TMEM132C: variants seen among roughly 807,000 people sequenced by gnomAD.
The protein encoded by TMEM132C is protein phosphatase 1, regulatory subunit 152.
Under a neutral mutation model 61.4 loss-of-function variants are expected in TMEM132C, and 29 were observed. The ratio of observed to expected loss-of-function variants is 0.47; its 90% CI spans 0.35 to 0.64. The LOEUF (loss-of-function observed/expected upper bound fraction) is 0.64. Ranked by LOEUF, TMEM132C falls within the 30% of genes least tolerant of loss-of-function variation. The pLI is 0.00. For missense variants in TMEM132C, 1,408 were observed against 1,476.9 expected (o/e 0.95, Z 0.76); for synonymous variants, 656 against 633.1 (o/e 1.04, Z -0.54).
At chr12:128,526,758 C>T (rs943860156) in intron 2 of TMEM132C, among the ~76,000 whole-genome samples, 15 of 152,188 alleles carry the variant, frequency 9.9e-5, no homozygotes, top group South Asian at 6.2e-4. Flanking sequence ...AGACACCAGC[C>T]GTGCAGATAC....
intron 2 of TMEM132C, among the ~76,000 whole-genome samples, chr12:128,523,163 A>G (rs1872964962): frequency 6.6e-6 from 1 of 152,222 alleles, no homozygotes; most frequent in Non-Finnish European, 1.5e-5. Context: ...TCAGTCACAC[A>G]AGAACAAATA....
At chr12:128,293,522 A>T (rs958726612) in intron 1 of TMEM132C, among the ~76,000 whole-genome samples, 20 of 152,186 alleles carry the variant, frequency 1.3e-4, no homozygotes, top group Non-Finnish European at 1.5e-5. Flanking sequence ...TCCAGACAGG[A>T]TGAATCATTT....
Position 128,391,378 on chromosome 12 carries a change from G to A in TMEM132C, c.86-23354G>A, listed in dbSNP as rs77189165. Reference sequence around the variant, plus strand: ...GGCTCACTGTGGTGGGATGGAAGAGGCGTCCCTGACTCCCTCCTTTGCACG... The same window carrying A: ...GGCTCACTGTGGTGGGATGGAAGAGACGTCCCTGACTCCCTCCTTTGCACG... On this transcript the variant is annotated intron_variant, in intron 1 of 8. Transcript: ENST00000435159. Among the ~76,000 whole-genome samples the A allele has an allele frequency of 6.6e-3, 998 of 152,260 alleles. 19 individuals are homozygous for A. The highest frequency in any genetic ancestry group is 0.023 in the African/African-American group (966 of 41,550).
chr12:128,601,163 C>T (rs977711649), intron 3 of TMEM132C, among the ~76,000 whole-genome samples: 4 of 152,166 alleles, frequency 2.6e-5, no homozygotes, highest in Admixed American at 6.5e-5. Flanking sequence ...CATCTCGCTT[C>T]TCTCTTGGAA....
intron 3 of TMEM132C, among the ~76,000 whole-genome samples, chr12:128,601,092 G>A (rs1369198682): frequency 6.6e-6 from 1 of 152,210 alleles, no homozygotes; most frequent in Non-Finnish European, 1.5e-5. Flanking sequence ...TTTTGAAAAT[G>A]CAAAGTTTTA....
intron 3 of TMEM132C, among the ~76,000 whole-genome samples, chr12:128,582,753 C>T (rs1875393474): frequency 6.6e-6 from 1 of 152,186 alleles, no homozygotes; most frequent in Admixed American, 6.5e-5. Context: ...TCCAATTAAA[C>T]CTCTTTTTCT....
intron 4 of TMEM132C, among the ~76,000 whole-genome samples, chr12:128,621,742 G>A (rs1057111149): frequency 1.5e-4 from 23 of 152,320 alleles, no homozygotes; most frequent in African/African-American, 5.5e-4. Flanking sequence ...TGTCCCACTG[G>A]GAAGTCTGTT....
rs181911588 is a variant in TMEM132C at position 128,440,088 on chromosome 12, C to T, written c.974+24468C>T. 3.6e-4 allele frequency among the ~76,000 whole-genome samples: 55 copies of T among 152,274 alleles called. 1 individual carries two copies. In the East Asian group the frequency reaches 0.01, roughly 28 times the overall value. On this transcript the variant is annotated intron_variant, in intron 2 of 8. Coordinates refer to ENST00000435159, the MANE Select transcript of TMEM132C (RefSeq NM_001136103.3). ...GTCTACTTATAGCTCTCTCTGATAT[C>T]CTTATGAATAACCACAATTTGAAAG...
chr12:128,360,241 G>A (rs1039747480), intron 1 of TMEM132C, among the ~76,000 whole-genome samples: 1 of 95,216 alleles, frequency 1.1e-5, no homozygotes. Flanking sequence ...GATTGATAAA[G>A]GACGACACAC....
intron 2 of TMEM132C, among the ~76,000 whole-genome samples, chr12:128,476,134 C>T (rs10847627): frequency 0.23 from 35,082 of 152,096 alleles, 4,950 homozygotes; most frequent in African/African-American, 0.4. Flanking sequence ...TCTGATCATC[C>T]CTGCATTCTC....
chr12:128,654,280 G>A (rs1183592469), intron 4 of TMEM132C, among the ~76,000 whole-genome samples: 1 of 152,116 alleles, frequency 6.6e-6, no homozygotes, highest in African/African-American at 2.4e-5. Flanking sequence ...GGTGGCAGAG[G>A]CAGAGATTGC....
chr12:128,317,830 A>G (rs1289465968), intron 1 of TMEM132C, among the ~76,000 whole-genome samples: 2 of 152,216 alleles, frequency 1.3e-5, no homozygotes, highest in African/African-American at 4.8e-5. Flanking sequence ...GGTTTCAGTG[A>G]GCAGTGAGGT....
chr12:128,384,288 G>T (rs1381777282), intron 1 of TMEM132C, among the ~76,000 whole-genome samples: 2 of 152,196 alleles, frequency 1.3e-5, no homozygotes, highest in Non-Finnish European at 2.9e-5. Flanking sequence ...ATCTGGGGGC[G>T]CACCCTCCCT....
intron 2 of TMEM132C, among the ~76,000 whole-genome samples, chr12:128,455,054 G>A (rs1038845915): frequency 6.6e-6 from 1 of 152,196 alleles, no homozygotes; most frequent in African/African-American, 2.4e-5. Context: ...AGTGTGAAAG[G>A]TAGAAAGTTG....
intron 5 of TMEM132C, among the ~76,000 whole-genome samples, chr12:128,684,007 T>G (rs4340121): frequency 3.6e-5 from 5 of 139,006 alleles, no homozygotes; most frequent in African/African-American, 5.3e-5. Flanking sequence ...AATAAATAAA[T>G]AAATGTTGGT....
intron 4 of TMEM132C, among the ~76,000 whole-genome samples, chr12:128,649,362 C>G (rs1248659180): frequency 6.6e-6 from 1 of 152,208 alleles, no homozygotes; most frequent in Non-Finnish European, 1.5e-5. Flanking sequence ...TGGTTCTTCT[C>G]TGCCTTAGCT....
intron 2 of TMEM132C, among the ~76,000 whole-genome samples, chr12:128,486,876 A>AACACAC (rs56407388): frequency 0.021 from 2,747 of 131,138 alleles, 79 homozygotes; most frequent in African/African-American, 0.066. Context: ...TGTGCATGCA[A>AACACAC]ACACACACAC....
chr12:128,348,850 A>G (rs1486610380), intron 1 of TMEM132C, among the ~76,000 whole-genome samples: 2 of 152,376 alleles, frequency 1.3e-5, no homozygotes, highest in East Asian at 3.9e-4. Context: ...TTTCTCCTTA[A>G]TGAAATGTCA....
intron 3 of TMEM132C, among the ~76,000 whole-genome samples, chr12:128,575,110 G>A (rs117371206): frequency 8.5e-4 from 129 of 152,292 alleles, no homozygotes; most frequent in Middle Eastern, 6.8e-3. Context: ...TAGGATTATG[G>A]AATAATACCT....
Sources: gnomAD v4.1 joint callset for allele counts (sites outside exome capture counted in the v4.1 genomes callset) on GRCh38, gnomAD v4.1.1 for gene constraint, MANE v1.5 for transcripts, NCBI Gene and HGNC (gene_info 2026-07-23, HGNC 2026-07-21) for gene names.